The following PLCG2 variants were observed in gnomAD, a reference collection of about 807,000 sequenced individuals.
PLCG2 encodes the protein phospholipase C gamma 2.
A neutral mutation model predicts 175.6 loss-of-function variants in PLCG2; 69 were observed. That is an observed-to-expected ratio of 0.39 (90% CI 0.32 to 0.48). PLCG2 has a LOEUF of 0.48. Ranked by LOEUF, PLCG2 falls within the 20% of genes least tolerant of loss-of-function variation. The pLI, the probability that PLCG2 is intolerant of heterozygous loss-of-function variation, is 0.91. For missense variants in PLCG2, 1,798 were observed against 1,650.9 expected (o/e 1.09, Z -1.54); for synonymous variants, 827 against 624.0 (o/e 1.33, Z -4.85).
chr16:81,785,690 T>G, intron 1 of PLCG2: 2 of 259,742 alleles, frequency 7.7e-6, no homozygotes, highest in Non-Finnish European at 7.5e-6. Flanking sequence ...GTCAGGGTGA[T>G]TTGGTTATTC....
chr16:81,794,827 A>C (rs1911394956), intron 2 of PLCG2, among the ~76,000 whole-genome samples: 1 of 152,218 alleles, frequency 6.6e-6, no homozygotes, highest in African/African-American at 2.4e-5. Context: ...TTTTCCATTT[A>C]TATGAGGATT....
In PLCG2 at chr16:81,785,949, G is replaced by C. The variant is rs141718763; in HGVS notation, c.-41G>C. The C allele has an allele frequency of 1.3e-6, 2 of 1,580,960 alleles. No individual in the cohort carries two copies. The highest frequency in any genetic ancestry group is 4.5e-5 in the East Asian group (2 of 44,504). ...TTTAATTCTGCCCTTTCAGCTTCCT[G>C]ATTTCTCCCGATTCCTTCCTTCTCC... On this transcript the variant is annotated 5_prime_UTR_variant, in exon 2 of 33. Coordinates refer to ENST00000564138, the MANE Select transcript of PLCG2 (RefSeq NM_002661.5).
At chr16:81,820,946 G>GCA (rs1904771206) in intron 2 of PLCG2, among the ~76,000 whole-genome samples, 3 of 147,648 alleles carry the variant, frequency 2.0e-5, no homozygotes, top group South Asian at 2.1e-4. Flanking sequence ...AGTAGAGATG[G>GCA]GGGCCTCATC....
intron 2 of PLCG2, among the ~76,000 whole-genome samples, chr16:81,760,755 A>ATAAT (rs1555562056): frequency 1.2e-5 from 1 of 82,648 alleles, no homozygotes; most frequent in African/African-American, 3.6e-5. Context: ...TATTAAAAAA[A>ATAAT]AAAATAATAA....
chr16:81,821,706 A>G (rs1033726534), intron 2 of PLCG2, among the ~76,000 whole-genome samples: 1 of 152,190 alleles, frequency 6.6e-6, no homozygotes, highest in Non-Finnish European at 1.5e-5. Context: ...TGAACAGATC[A>G]GTGGAGCGCA....
At chr16:81,751,706 A>T (rs184746294) in intron 1 of PLCG2, among the ~76,000 whole-genome samples, 27 of 152,292 alleles carry the variant, frequency 1.8e-4, no homozygotes, top group African/African-American at 4.8e-4. Context: ...CATAGATCAT[A>T]ATGTCACTTT....
chr16:81,817,874 G>A (rs954268167), intron 2 of PLCG2, among the ~76,000 whole-genome samples: 7 of 152,214 alleles, frequency 4.6e-5, no homozygotes. Context: ...AGCTCCCTGT[G>A]CTTATGAACA....
chr16:81,927,221 G>A (rs1214284785), intron 23 of PLCG2, 43 bp downstream of exon 23: 3 of 1,352,908 alleles, frequency 2.2e-6, no homozygotes, highest in Non-Finnish European at 3.2e-6. Flanking sequence ...GAAGGGATCT[G>A]CAGGTCCAGT....
rs571490703 is a variant in PLCG2, at chr16:81,818,621, G to A, written c.193+32439G>A. ...GGAGGCTTCAGTGGCCTGAACAATA[G>A]CCAGGACAGAGCCAACTAGCCGGGC... is the stretch of plus-strand genomic sequence containing the variant. On this transcript the variant is annotated intron_variant, in intron 2 of 32. Transcript: ENST00000564138. Among the ~76,000 whole-genome samples the A allele has an allele frequency of 3.3e-5, 5 of 152,238 alleles. No homozygotes were observed. In the South Asian group the frequency reaches 8.3e-4, roughly 25 times the overall value.
intron 19 of PLCG2, among the ~76,000 whole-genome samples, chr16:81,916,629 C>G (rs1211943708): frequency 6.6e-6 from 1 of 151,122 alleles, no homozygotes; most frequent in Non-Finnish European, 1.5e-5. Flanking sequence ...CAGCAATTTT[C>G]AAGAATACAG....
intron 1 of PLCG2, among the ~76,000 whole-genome samples, chr16:81,749,126 C>T (rs879832595): frequency 6.6e-6 from 1 of 152,046 alleles, no homozygotes; most frequent in Non-Finnish European, 1.5e-5. Context: ...GCCGGGCAGC[C>T]AAACCAGGGT....
At chr16:81,946,977 G>T (rs535449162) in intron 31 of PLCG2, among the ~76,000 whole-genome samples, 2 of 152,080 alleles carry the variant, frequency 1.3e-5, no homozygotes, top group Admixed American at 1.3e-4. Flanking sequence ...TCTATTGCCC[G>T]GGGAAAGGGA....
chr16:81,952,178 C>A (rs1178392693), intron 31 of PLCG2, among the ~76,000 whole-genome samples: 1 of 151,834 alleles, frequency 6.6e-6, no homozygotes, highest in African/African-American at 2.4e-5. Context: ...ACCATGTGAA[C>A]AAGTAGAAAT....
chr16:81,832,531 T>C (rs1905302909), intron 2 of PLCG2, among the ~76,000 whole-genome samples: 1 of 152,116 alleles, frequency 6.6e-6, no homozygotes, highest in Admixed American at 6.5e-5. Flanking sequence ...CTGGGACTAC[T>C]GATGTGCACT....
At chr16:81,781,210 C>A (rs1910716145) in intron 1 of PLCG2, among the ~76,000 whole-genome samples, 1 of 152,216 alleles carries the variant, frequency 6.6e-6, no homozygotes, top group South Asian at 2.1e-4. Flanking sequence ...CAGAAGATCA[C>A]CTTTATAAAA....
chr16:81,883,485 A>G (rs1189288438), intron 9 of PLCG2, 144 bp downstream of exon 9: 29 of 647,174 alleles, frequency 4.5e-5, no homozygotes, highest in Non-Finnish European at 5.5e-6. Flanking sequence ...TCTTCATGGA[A>G]CGATTGCAGT....
intron 2 of PLCG2, among the ~76,000 whole-genome samples, chr16:81,837,010 G>A (rs1006362284): frequency 9.2e-5 from 14 of 152,142 alleles, no homozygotes; most frequent in African/African-American, 3.1e-4. Flanking sequence ...GGAAGTTGAG[G>A]ACCAGCGTTC....
rs1476045858 is a variant in PLCG2 at position 81,807,728 on chromosome 16, AAG to A, written c.193+21549_193+21550del. On this transcript the variant is annotated intron_variant, in intron 2 of 32. Coordinates refer to ENST00000564138, the MANE Select transcript of PLCG2 (RefSeq NM_002661.5). ...CAAAGACTGGGTAATATAAAAAGGA[AAG>A]AGGTTTAATTGACTCACAGTTCAGC... 9.2e-5 allele frequency among the ~76,000 whole-genome samples: 14 copies of A among 152,226 alleles called. No homozygotes were observed. The East Asian group carries it at 2.7e-3, about 29-fold the overall frequency.
chr16:81,801,862 G>A (rs1287314412), intron 2 of PLCG2, among the ~76,000 whole-genome samples: 2 of 151,898 alleles, frequency 1.3e-5, no homozygotes, highest in Non-Finnish European at 2.9e-5. Context: ...TGTACTTTTA[G>A]TAGAGACGGG....
Sources: allele counts gnomAD v4.1 joint callset (sites outside exome capture counted in the v4.1 genomes callset), GRCh38; gene constraint gnomAD v4.1.1; transcripts MANE v1.5; gene names NCBI Gene and HGNC (gene_info 2026-07-23, HGNC 2026-07-21).